The following ADCY5 variants were observed in gnomAD, a reference collection of about 807,000 sequenced individuals.
ADCY5 encodes adenylate cyclase 5.
In ADCY5, 30 loss-of-function variants were observed where a neutral mutation model predicts 119.7. That is an observed-to-expected ratio of 0.25 (90% CI 0.19 to 0.34). The LOEUF is 0.34. Ranked by LOEUF, ADCY5 falls within the 10% of genes least tolerant of loss-of-function variation. The probability of loss-of-function intolerance (pLI) is 1.00; values close to 1 mark genes in which losing one functional copy is unlikely to be tolerated. For missense variants in ADCY5, 1,324 were observed against 1,775.2 expected (o/e 0.75, Z 4.57); for synonymous variants, 753 against 762.2 (o/e 0.99, Z 0.20).
At chr3:123,427,423 C>T (rs985221884) in intron 1 of ADCY5, among the ~76,000 whole-genome samples, 1 of 152,218 alleles carries the variant, frequency 6.6e-6, no homozygotes, top group African/African-American at 2.4e-5. Context: ...CCACCATATT[C>T]CTTGGCCACT....
intron 1 of ADCY5, among the ~76,000 whole-genome samples, chr3:123,407,939 T>G (rs1944944774): frequency 6.6e-6 from 1 of 151,628 alleles, no homozygotes; most frequent in Admixed American, 6.6e-5. Flanking sequence ...TAATGGGTAT[T>G]GGGTTTTCTT....
At chr3:123,327,529 CAAGG>C (rs999172323) in intron 7 of ADCY5, 85 bp downstream of exon 7, 2 of 1,349,180 alleles carry the variant, frequency 1.5e-6, no homozygotes, top group African/African-American at 2.9e-5. Context: ...TGACTTCACT[CAAGG>C]AAAGAGAAGG....
chr3:123,424,947 AG>A (rs1945374215), intron 1 of ADCY5, among the ~76,000 whole-genome samples: 3 of 152,246 alleles, frequency 2.0e-5, no homozygotes, highest in Non-Finnish European at 2.9e-5. Context: ...TTAGCCAAAA[AG>A]AAAAAAAGGT....
At position 123,332,692 on chromosome 3, in the gene ADCY5, G is replaced by C; in HGVS notation, c.1407-17C>G. 1 of 1,534,392 alleles carries C rather than the reference G, an allele frequency of 6.5e-7. No homozygotes were observed. Among genetic ancestry groups the C allele is most frequent in the Admixed American group, 1.7e-5 (1 of 59,516 alleles). ...AACAGGATGCTGGGGGACAGGCAGAGGAGGAAGACCCTGCTATAGGCTGAA... is the reference window on the plus strand; with the variant it reads ...AACAGGATGCTGGGGGACAGGCAGACGAGGAAGACCCTGCTATAGGCTGAA... On this transcript the variant is annotated splice_polypyrimidine_tract_variant and intron_variant, in intron 3 of 20. Transcript: ENST00000462833.
chr3:123,326,005 G>T (rs1411057850), intron 7 of ADCY5, among the ~76,000 whole-genome samples: 1 of 152,210 alleles, frequency 6.6e-6, no homozygotes, highest in Non-Finnish European at 1.5e-5. Flanking sequence ...CTTTGCTCAT[G>T]GGCAGGCCAG....
rs1165999980 is a variant in ADCY5, at chr3:123,289,915, T to C, written c.3367A>G (p.Lys1123Glu). The change falls in exon 19 of 21, where the codon AAG becomes GAG. Residue 1123 changes from lysine (K) to glutamate (E), a missense_variant. Lys to Glu is a moderately conservative substitution (Grantham distance 56, BLOSUM62 1). Around this residue, in one of 6 missense-constraint regions of ADCY5, gnomAD observed 178 missense variants for 329.6 expected, o/e 0.54. Coordinates refer to ENST00000462833, the MANE Select transcript of ADCY5 (RefSeq NM_183357.3). ...GCCATGTAGGTGCTGCCGATGGTCT[T>C]GATCTTCTCCAGCTGCCGGAACCGA... ...EDRFRQLEKI[K>E]TIGSTYMAAS... is the part of the protein sequence containing the mutation. The C allele has an allele frequency of 1.2e-6, 2 of 1,614,062 alleles. No individual in the cohort carries two copies. The highest frequency in any genetic ancestry group is 1.7e-6 in the Non-Finnish European group (2 of 1,180,030).
In ADCY5 at chr3:123,335,674, G is replaced by A. The variant is rs1941989208; in HGVS notation, c.1407-2999C>T. On this transcript the variant is annotated intron_variant, in intron 3 of 20. Coordinates refer to ENST00000462833, the MANE Select transcript of ADCY5 (RefSeq NM_183357.3). ...ACAGGTACAGGACCCCCCTGAGAGGGGTCACTCTCAGCAGCTTCTCACCAG... is the reference window on the plus strand; with the variant it reads ...ACAGGTACAGGACCCCCCTGAGAGGAGTCACTCTCAGCAGCTTCTCACCAG... Among the ~76,000 whole-genome samples the A allele has an allele frequency of 2.0e-5, 3 of 152,064 alleles. No individual in the cohort carries two copies. In the South Asian group the frequency reaches 6.2e-4, roughly 32 times the overall value.
At position 123,291,287 on chromosome 3, in the gene ADCY5, G is replaced by A. The variant is rs1443785549; in HGVS notation, c.3153C>T (p.His1051=). 3.1e-6 allele frequency: 5 copies of A among 1,614,002 alleles called. No homozygotes were observed. In the Admixed American group the frequency reaches 8.3e-5, roughly 27 times the overall value. Residue 1051 remains histidine (H), a synonymous_variant, in exon 18 of 21, where the codon CAC becomes CAT. Transcript: ENST00000462833. ...CATTGCGCCGCTCGCGGGCCAGGAA[G>A]TGAGCGGCCACGTCCTTGGGCAGGA... ...HNILPKDVAA[H]FLARERRNDE... is the part of the protein sequence containing the mutation.
chr3:123,352,296 C>T lies in ADCY5; in HGVS notation c.1284+136G>A. On this transcript the variant is annotated intron_variant, in intron 2 of 20. Coordinates refer to ENST00000462833, the MANE Select transcript of ADCY5 (RefSeq NM_183357.3). The surrounding 1 kb of genome is among the most constrained non-coding windows in gnomAD (Gnocchi z 4.8). ...GGACTCTCTCCAGGGGAAACATTCC[C>T]CATGGGTTGGTCCCCTCCCGGGGAG... 9.0e-7 allele frequency: 1 copy of T among 1,115,030 alleles called. No homozygotes were observed. The allele number at this position is 1,115,030 out of a possible 1,614,324, so 69.1% of individuals were successfully genotyped here.
intron 1 of ADCY5, among the ~76,000 whole-genome samples, chr3:123,380,241 G>A (rs542466404): frequency 6.6e-6 from 1 of 152,302 alleles, no homozygotes; most frequent in East Asian, 1.9e-4. Flanking sequence ...AACCACAAAC[G>A]TTTACAGGGA....
Position 123,327,512 on chromosome 3 carries a change from A to G in ADCY5, c.1947+106T>C, listed in dbSNP as rs146989969. 898 of 1,242,040 alleles carry G rather than the reference A, an allele frequency of 7.2e-4. 9 individuals are homozygous for G. The Admixed American group carries it at 0.011, about 15-fold the overall frequency. 76.9% of individuals were successfully genotyped at this position (1,242,040 alleles called of 1,614,324 possible). ...GATGCAGGAACCGCAACTGCATAAG[A>G]AATTCATGACTTCACTCAAGGAAAG... On this transcript the variant is annotated intron_variant, in intron 7 of 20. Coordinates refer to ENST00000462833, the MANE Select transcript of ADCY5 (RefSeq NM_183357.3).
chr3:123,366,428 C>T lies in ADCY5; in HGVS notation c.1135-13847G>A, dbSNP rs1052674958. On this transcript the variant is annotated intron_variant, in intron 1 of 20. Coordinates refer to ENST00000462833, the MANE Select transcript of ADCY5 (RefSeq NM_183357.3). ...CAGATTCATCTGCCAAGCTCAGGGC[C>T]GATTTCAGATGGTACACCCAGCACA... Among the ~76,000 whole-genome samples, 24 of 152,314 alleles carry T rather than the reference C, an allele frequency of 1.6e-4. 1 individual carries two copies. The highest frequency in any genetic ancestry group is 5.8e-4 in the African/African-American group (24 of 41,560).
intron 1 of ADCY5, among the ~76,000 whole-genome samples, chr3:123,371,712 A>T (rs900731987): frequency 2.0e-5 from 3 of 152,262 alleles, no homozygotes; most frequent in Admixed American, 6.5e-5. Context: ...GGCACTCCCC[A>T]TCAGCAGCGA....
chr3:123,382,889 G>A (rs769247474), intron 1 of ADCY5, among the ~76,000 whole-genome samples: 1 of 152,062 alleles, frequency 6.6e-6, no homozygotes, highest in Admixed American at 6.5e-5. Flanking sequence ...ACTTAAAAAC[G>A]GTTACAAGAT....
At chr3:123,290,178 A>C (rs1019447657) in intron 18 of ADCY5, among the ~76,000 whole-genome samples, 16 of 152,084 alleles carry the variant, frequency 1.1e-4, no homozygotes, top group Non-Finnish European at 7.4e-5. Context: ...CCTGTGGGCT[A>C]CCTGCCCACC....
At chr3:123,368,143 A>T in intron 1 of ADCY5, 1 of 1,048,576 alleles carries the variant, frequency 9.5e-7, no homozygotes, top group Non-Finnish European at 1.3e-6. Flanking sequence ...CAGTCATGCA[A>T]CCTACAGGAA....
chr3:123,443,474 A>G (rs1945758184), intron 1 of ADCY5, among the ~76,000 whole-genome samples: 1 of 152,122 alleles, frequency 6.6e-6, no homozygotes, highest in African/African-American at 2.4e-5. Context: ...GCACGTGCTC[A>G]CGTACACACA....
At chr3:123,348,655 T>A (rs1005320174) in intron 2 of ADCY5, among the ~76,000 whole-genome samples, 3 of 151,724 alleles carry the variant, frequency 2.0e-5, no homozygotes, top group Non-Finnish European at 4.4e-5. Flanking sequence ...GCAGGGGAGG[T>A]GGGAGAGAAG....
chr3:123,407,030 C>T (rs550228783), intron 1 of ADCY5, among the ~76,000 whole-genome samples: 3 of 152,326 alleles, frequency 2.0e-5, no homozygotes, highest in African/African-American at 7.2e-5. Context: ...GACCTGCAGA[C>T]ATCTTTGGAG....
Sources: allele counts gnomAD v4.1 joint callset (sites outside exome capture counted in the v4.1 genomes callset), GRCh38; gene constraint gnomAD v4.1.1; regional missense constraint gnomAD v4.1.1; non-coding constraint Gnocchi (gnomAD v3.1); transcripts MANE v1.5; gene names NCBI Gene and HGNC (gene_info 2026-07-23, HGNC 2026-07-21).